SPIRE2: variants seen among roughly 807,000 people sequenced by gnomAD.
The protein encoded by SPIRE2 is spire type actin nucleation factor 2.
Under a neutral mutation model 80.7 loss-of-function variants are expected in SPIRE2, and 76 were observed. The ratio of observed to expected loss-of-function variants is 0.94; its 90% CI spans 0.78 to 1.14. The LOEUF (loss-of-function observed/expected upper bound fraction) is 1.14, where lower values mean the gene tolerates loss of function less well. SPIRE2 is among the 50% of genes most tolerant of loss of function. SPIRE2 has a pLI of 0.00. For synonymous variants in SPIRE2, 535 were observed against 432.6 expected, an observed-to-expected ratio of 1.24 and a Z score of -2.94; for missense variants, 1,196 against 1,015.3, an observed-to-expected ratio of 1.18 and a Z score of -2.42.
chr16:89,863,417 G>A lies in SPIRE2; in HGVS notation c.1576-59G>A. The A allele has an allele frequency of 6.2e-7, 1 of 1,602,390 alleles. No homozygotes were observed. The highest frequency in any genetic ancestry group is 1.3e-5 in the African/African-American group (1 of 74,696). ...GGGAGGGTTAGGGTCCTCAGGGAAG[G>A]AGAGTAAGCTAGGGGAGCCTCCTGC... On this transcript the variant is annotated intron_variant, in intron 10 of 14. Coordinates refer to ENST00000378247, the MANE Select transcript of SPIRE2 (RefSeq NM_032451.2). The surrounding 1 kb of genome is among the most constrained non-coding windows in gnomAD (Gnocchi z 4.3).
chr16:89,828,831 G>T lies in SPIRE2; in HGVS notation c.244+37G>T. ...GGCGGGGCAGCCGGCGGGGACCGCG[G>T]TCTGGGGCGTCCGTCCCGCCCCCTG... On this transcript the variant is annotated intron_variant, in intron 1 of 14. Transcript: ENST00000378247. The surrounding 1 kb of genome is among the most constrained non-coding windows in gnomAD (Gnocchi z 5.9). 8.5e-7 allele frequency: 1 copy of T among 1,171,236 alleles called. No individual in the cohort carries two copies. The highest frequency in any genetic ancestry group is 1.1e-6 in the Non-Finnish European group (1 of 948,518). The allele number at this position is 1,171,236 out of a possible 1,614,324, so 72.6% of individuals were successfully genotyped here.
At chr16:89,840,587 T>A (rs1016523325) in intron 1 of SPIRE2, among the ~76,000 whole-genome samples, 2 of 151,488 alleles carry the variant, frequency 1.3e-5, no homozygotes, top group Non-Finnish European at 2.9e-5. Context: ...TACCGTAATG[T>A]TTCTCTCAAA....
rs773857281 is a variant in SPIRE2 at position 89,870,331 on chromosome 16, C to T, written c.*59C>T. On this transcript the variant is annotated 3_prime_UTR_variant, in exon 15 of 15. Transcript: ENST00000378247. ...AGGCAGGCCCTGTATCAGGCTAGGA[C>T]GCTCTGAGCTGTGCATGTACATATA... The T allele has an allele frequency of 1.7e-5, 19 of 1,091,026 alleles. No individual in the cohort carries two copies. The highest frequency in any genetic ancestry group is 7.8e-5 in the African/African-American group (5 of 64,202). 67.6% of individuals were successfully genotyped at this position (1,091,026 alleles called of 1,614,324 possible).
chr16:89,858,620 C>A (rs2041714639), intron 8 of SPIRE2, 113 bp downstream of exon 8: 3 of 1,017,698 alleles, frequency 2.9e-6, no homozygotes, highest in Non-Finnish European at 4.1e-6. Context: ...TGTCTCCTGT[C>A]CAGGAGCCCT....
At chr16:89,845,511 G>T in intron 2 of SPIRE2, 146 bp downstream of exon 2, 1 of 793,888 alleles carries the variant, frequency 1.3e-6, no homozygotes, top group Non-Finnish European at 2.2e-6. Flanking sequence ...TTAGTTGCAG[G>T]GACTGGATGA....
chr16:89,855,663 C>G lies in SPIRE2; in HGVS notation c.955C>G (p.Arg319Gly). The G allele has an allele frequency of 6.2e-7, 1 of 1,612,780 alleles. No homozygotes were observed. Among genetic ancestry groups the G allele is most frequent in the East Asian group, 2.2e-5 (1 of 44,868 alleles). ...TCACGAGCTCATCCTGGACTTTATC[C>G]GCTCACGGCCTCCACTGAAGCAGGT... ...DAHELILDFIRSRPPLKQVSE... is the reference protein window; with the variant it reads ...DAHELILDFIGSRPPLKQVSE... The change falls in exon 6 of 15, where the codon CGC becomes GGC. Residue 319 changes from arginine (R) to glycine (G), a missense_variant. Arg to Gly is a moderately radical substitution (Grantham distance 125, BLOSUM62 -2). Coordinates refer to ENST00000378247, the MANE Select transcript of SPIRE2 (RefSeq NM_032451.2).
intron 1 of SPIRE2, among the ~76,000 whole-genome samples, chr16:89,834,904 GCC>G (rs2041429899): frequency 9.5e-6 from 1 of 105,028 alleles, no homozygotes; most frequent in Non-Finnish European, 1.9e-5. Flanking sequence ...GTCGTAGAAG[GCC>G]CCACAAGCAT....
At position 89,828,557 on chromosome 16, in the gene SPIRE2, C is replaced by G. The variant is rs2041347473; in HGVS notation, c.7C>G (p.Arg3Gly). Residue 3 changes from arginine to glycine, a missense_variant, in exon 1 of 15, where the codon CGG becomes GGG. By Grantham distance (125) the Arg-to-Gly change is moderately radical (BLOSUM62 -2). Transcript: ENST00000378247. This position sits in a 1 kb window ranked among gnomAD's most constrained non-coding sequence, Gnocchi z 5.9. ...AGGCGATGACGGCCCCGCCATGGCCCGGGCGGGCAGCTGCGGCGGCGCCGC... is the reference window on the plus strand; with the variant it reads ...AGGCGATGACGGCCCCGCCATGGCCGGGGCGGGCAGCTGCGGCGGCGCCGC... Reference protein sequence around the residue: MARAGSCGGAAAG... With the variant: MAGAGSCGGAAAG... The G allele has an allele frequency of 1.2e-5, 13 of 1,129,184 alleles. No homozygotes were observed. Among genetic ancestry groups the G allele is most frequent in the Non-Finnish European group, 1.4e-5 (13 of 926,638 alleles). The allele number at this position is 1,129,184 out of a possible 1,614,324, so 69.9% of individuals were successfully genotyped here. A position where few individuals can be genotyped will look rare whatever the true frequency, so the allele number is the denominator to read the frequency against.
chr16:89,834,016 G>C (rs2041414291), intron 1 of SPIRE2, among the ~76,000 whole-genome samples: 1 of 152,210 alleles, frequency 6.6e-6, no homozygotes, highest in Non-Finnish European at 1.5e-5. Flanking sequence ...CTCTGAGCAA[G>C]GGTTACCTCA....
In SPIRE2 at chr16:89,870,267, A is replaced by C; in HGVS notation, c.2140A>C (p.Lys714Gln). Residue 714 changes from lysine (K) to glutamine (Q), a missense_variant, in exon 15 of 15, where the codon AAG becomes CAG. Coordinates refer to ENST00000378247, the MANE Select transcript of SPIRE2 (RefSeq NM_032451.2). Reference sequence around the variant, plus strand: ...CCCTAACACCAGGACTCTTGACTTCAAGTGACAGCCCCAGGTGGCCAGGCC... The same window carrying C: ...CCCTAACACCAGGACTCTTGACTTCCAGTGACAGCCCCAGGTGGCCAGGCC... ...YIPNTRTLDFK is the reference protein window; with the variant it reads ...YIPNTRTLDFQ 4 of 1,590,304 alleles carry C rather than the reference A, an allele frequency of 2.5e-6. No individual in the cohort carries two copies. The highest frequency in any genetic ancestry group is 3.4e-6 in the Non-Finnish European group (4 of 1,168,260).
intron 1 of SPIRE2, among the ~76,000 whole-genome samples, chr16:89,834,179 C>T (rs55922621): frequency 9.1e-6 from 1 of 109,852 alleles, no homozygotes; most frequent in Non-Finnish European, 2.1e-5. Flanking sequence ...TCGTAGAAGC[C>T]TGGATAAGCA....
chr16:89,834,527 T>A lies in SPIRE2; in HGVS notation c.244+5733T>A, dbSNP rs557156671. On this transcript the variant is annotated intron_variant, in intron 1 of 14. Coordinates refer to ENST00000378247, the MANE Select transcript of SPIRE2 (RefSeq NM_032451.2). ...TAGAAGTGTGGATAAGCATAGCCCA[T>A]GTGAATCTGTGAACCTGCCCGCATT... Among the ~76,000 whole-genome samples, 75 of 99,600 alleles carry A rather than the reference T, an allele frequency of 7.5e-4. 1 individual carries two copies. The highest frequency in any genetic ancestry group is 2.6e-3 in the African/African-American group (67 of 25,330). The allele number at this position is 99,600 out of a possible 152,430, so 65.3% of individuals were successfully genotyped here.
intron 1 of SPIRE2, among the ~76,000 whole-genome samples, chr16:89,829,104 G>A (rs1425619601): frequency 6.6e-6 from 1 of 152,242 alleles, no homozygotes; most frequent in Non-Finnish European, 1.5e-5. Flanking sequence ...CCGGGAGAGG[G>A]ACTTGGGCCG....
chr16:89,858,608 G>C, intron 8 of SPIRE2, 101 bp downstream of exon 8: 1 of 1,178,940 alleles, frequency 8.5e-7, no homozygotes, highest in Non-Finnish European at 1.1e-6. Flanking sequence ...CAGCAATTGC[G>C]GTGTCTCCTG....
At position 89,828,847 on chromosome 16, in the gene SPIRE2, C is replaced by A; in HGVS notation, c.244+53C>A. ...GGGACCGCGGTCTGGGGCGTCCGTC[C>A]CGCCCCCTGGGTGGGGGTGGTCCCG... On this transcript the variant is annotated intron_variant, in intron 1 of 14. Transcript: ENST00000378247. The surrounding 1 kb of genome is among the most constrained non-coding windows in gnomAD (Gnocchi z 5.9). 1 of 1,163,368 alleles carries A rather than the reference C, an allele frequency of 8.6e-7. No individual in the cohort carries two copies. Among genetic ancestry groups the A allele is most frequent in the South Asian group, 4.2e-5 (1 of 23,564 alleles). The allele number at this position is 1,163,368 out of a possible 1,614,324, so 72.1% of individuals were successfully genotyped here.
intron 14 of SPIRE2, 56 bp downstream of exon 14, chr16:89,869,738 C>A: frequency 7.2e-7 from 1 of 1,387,226 alleles, no homozygotes; most frequent in Non-Finnish European, 1.0e-6. Context: ...TGAAGAGGAA[C>A]TTGGGAGCTG....
At position 89,858,453 on chromosome 16, in the gene SPIRE2, C is replaced by G; in HGVS notation, c.1218C>G (p.Arg406=). 4 of 1,610,520 alleles carry G rather than the reference C, an allele frequency of 2.5e-6. No homozygotes were observed. The highest frequency in any genetic ancestry group is 1.7e-4 in the Middle Eastern group (1 of 6,054). The change falls in exon 8 of 15, where the codon CGC becomes CGG. Residue 406 remains arginine (R), a synonymous_variant. Transcript: ENST00000378247. ...GCAGCGCCCAGCGCCCGCGGCCCCGCGTGCTGCTCAAGGCGCCTACCTTGG... is the reference window on the plus strand; with the variant it reads ...GCAGCGCCCAGCGCCCGCGGCCCCGGGTGCTGCTCAAGGCGCCTACCTTGG... ...AGGSAQRPRP[R]VLLKAPTLAE... is the part of the protein sequence containing the mutation.
chr16:89,854,468 C>A lies in SPIRE2; in HGVS notation c.727-19C>A, dbSNP rs769046691. 1 of 1,611,212 alleles carries A rather than the reference C, an allele frequency of 6.2e-7. No homozygotes were observed. The highest frequency in any genetic ancestry group is 8.5e-7 in the Non-Finnish European group (1 of 1,178,952). The stretch of plus-strand genomic sequence containing the variant: ...GCTTCACCTGGGGCTGAGACCCATT[C>A]TCTTCCCCTGGGGCCCAGGCCCGAC... On this transcript the variant is annotated intron_variant, in intron 4 of 14. Coordinates refer to ENST00000378247, the MANE Select transcript of SPIRE2 (RefSeq NM_032451.2).
intron 5 of SPIRE2, among the ~76,000 whole-genome samples, chr16:89,855,148 C>A (rs755296868): frequency 1.3e-5 from 2 of 152,262 alleles, no homozygotes; most frequent in East Asian, 1.9e-4. Flanking sequence ...CTGTGTTAGC[C>A]ACGATGGTCT....
Sources: gnomAD v4.1 joint callset for allele counts (sites outside exome capture counted in the v4.1 genomes callset) on GRCh38, gnomAD v4.1.1 for gene constraint, Gnocchi (gnomAD v3.1) non-coding constraint, MANE v1.5 for transcripts, NCBI Gene and HGNC (gene_info 2026-07-23, HGNC 2026-07-21) for gene names.